PPM1H: variants seen among roughly 807,000 people sequenced by gnomAD.
PPM1H encodes protein phosphatase, Mg2+/Mn2+ dependent 1H, also known as protein phosphatase 1H.
PPM1H carries 27 observed loss-of-function variants against 54.9 expected under a neutral mutation model. That is an observed-to-expected ratio of 0.49 (90% CI 0.36 to 0.68). The LOEUF is 0.68. Ranked by LOEUF, PPM1H falls within the 30% of genes least tolerant of loss-of-function variation. PPM1H has a pLI of 0.00. For missense variants in PPM1H, 596 were observed against 667.8 expected (o/e 0.89, Z 1.19); for synonymous variants, 305 against 270.8 (o/e 1.13, Z -1.24).
intron 4 of PPM1H, among the ~76,000 whole-genome samples, chr12:62,776,728 G>A (rs2076613701): frequency 6.6e-6 from 1 of 152,106 alleles, no homozygotes; most frequent in Non-Finnish European, 1.5e-5. Context: ...CCACAACCCT[G>A]GCTCACTTCC....
intron 9 of PPM1H, among the ~76,000 whole-genome samples, chr12:62,665,503 A>C (rs972769360): frequency 6.6e-6 from 1 of 152,144 alleles, no homozygotes; most frequent in South Asian, 2.1e-4. Flanking sequence ...CCATCTTTTT[A>C]GTCTCTTAAT....
intron 8 of PPM1H, among the ~76,000 whole-genome samples, chr12:62,668,059 C>A (rs2075930189): frequency 6.6e-6 from 1 of 152,190 alleles, no homozygotes; most frequent in South Asian, 2.1e-4. Context: ...AGACTTAAGT[C>A]TTTCCTCATG....
chr12:62,677,832 G>A (rs1333395637), intron 8 of PPM1H, among the ~76,000 whole-genome samples: 1 of 152,250 alleles, frequency 6.6e-6, no homozygotes, highest in Non-Finnish European at 1.5e-5. Context: ...TTCTCAAACA[G>A]TGGTCTTTGG....
At chr12:62,708,766 T>G (rs1048344467) in intron 6 of PPM1H, among the ~76,000 whole-genome samples, 21 of 152,234 alleles carry the variant, frequency 1.4e-4, no homozygotes, top group African/African-American at 5.1e-4. Context: ...TGGGCAGCTT[T>G]GTTACACTGG....
At chr12:62,730,777 C>T (rs192006654) in intron 5 of PPM1H, among the ~76,000 whole-genome samples, 290 of 152,164 alleles carry the variant, frequency 1.9e-3, no homozygotes, top group African/African-American at 6.8e-3. Context: ...GATAGAAAGT[C>T]TAAGGTCAAG....
intron 1 of PPM1H, among the ~76,000 whole-genome samples, chr12:62,912,803 C>G (rs1008512489): frequency 6.6e-6 from 1 of 152,180 alleles, no homozygotes; most frequent in Admixed American, 6.5e-5. Context: ...TGACGTAGCT[C>G]TAGAAACTAA....
intron 3 of PPM1H, among the ~76,000 whole-genome samples, chr12:62,795,805 C>T (rs560792548): frequency 5.9e-5 from 9 of 151,946 alleles, no homozygotes; most frequent in Non-Finnish European, 1.0e-4. Context: ...CGGCTCACTG[C>T]GACCTCTGCC....
At chr12:62,874,959 A>T (rs1034685780) in intron 1 of PPM1H, among the ~76,000 whole-genome samples, 1 of 152,202 alleles carries the variant, frequency 6.6e-6, no homozygotes, top group African/African-American at 2.4e-5. Flanking sequence ...AGAGTCGCAA[A>T]ACTCACCACC....
chr12:62,884,207 A>G (rs744475), intron 1 of PPM1H, among the ~76,000 whole-genome samples: 5,875 of 152,120 alleles, frequency 0.039, 316 homozygotes, highest in African/African-American at 0.12. Context: ...TGAAGTATAG[A>G]CTGGGCACGG....
rs556132236 is a variant in PPM1H at position 62,789,654 on chromosome 12, C to T, written c.757-1316G>A. On this transcript the variant is annotated intron_variant, in intron 3 of 9. Coordinates refer to ENST00000228705, the MANE Select transcript of PPM1H (RefSeq NM_020700.2). The stretch of plus-strand genomic sequence containing the variant: ...GCACTTTATACTCAAACTCTCATAT[C>T]GTCCTCAAGACCATCACTATGAACC... 6.4e-4 allele frequency among the ~76,000 whole-genome samples: 97 copies of T among 152,290 alleles called. 1 individual carries two copies. The highest frequency in any genetic ancestry group is 1.2e-3 in the Non-Finnish European group (80 of 68,030).
chr12:62,799,978 T>A (rs1423982434), intron 3 of PPM1H, among the ~76,000 whole-genome samples: 1 of 152,120 alleles, frequency 6.6e-6, no homozygotes, highest in Non-Finnish European at 1.5e-5. Flanking sequence ...GTAGCTGGAA[T>A]GACAGGCATG....
chr12:62,883,042 C>A lies in PPM1H; in HGVS notation c.246-50763G>T, dbSNP rs1017392679. Among the ~76,000 whole-genome samples, 9 of 152,276 alleles carry A rather than the reference C, an allele frequency of 5.9e-5. No individual in the cohort carries two copies. The East Asian group carries it at 1.7e-3, about 29-fold the overall frequency. On this transcript the variant is annotated intron_variant, in intron 1 of 9. Coordinates refer to ENST00000228705, the MANE Select transcript of PPM1H (RefSeq NM_020700.2). ...ATCACTGTAGTATATTTATTTATTT[C>A]TGTGAGTAACCTCCACTAAAATGTA...
intron 4 of PPM1H, among the ~76,000 whole-genome samples, chr12:62,753,852 G>C (rs2076455355): frequency 6.6e-6 from 1 of 152,178 alleles, no homozygotes; most frequent in Non-Finnish European, 1.5e-5. Context: ...ATTTCCACTA[G>C]TTCTGCCTTG....
At chr12:62,772,704 C>A (rs949031557) in intron 4 of PPM1H, among the ~76,000 whole-genome samples, 3 of 152,088 alleles carry the variant, frequency 2.0e-5, no homozygotes, top group Non-Finnish European at 4.4e-5. Flanking sequence ...AACCACTTTC[C>A]TTTGGGAAAG....
intron 4 of PPM1H, among the ~76,000 whole-genome samples, chr12:62,775,110 C>T (rs544561664): frequency 5.9e-5 from 9 of 152,230 alleles, no homozygotes; most frequent in East Asian, 5.8e-4. Context: ...TGAATGTCTG[C>T]GCTGGATTGA....
intron 9 of PPM1H, among the ~76,000 whole-genome samples, chr12:62,649,162 C>T (rs567098998): frequency 2.7e-5 from 4 of 150,922 alleles, no homozygotes; most frequent in Non-Finnish European, 4.4e-5. Flanking sequence ...AATAATACAA[C>T]CTGGCATAAG....
At chr12:62,749,723 G>A (rs2076430979) in intron 4 of PPM1H, among the ~76,000 whole-genome samples, 1 of 152,132 alleles carries the variant, frequency 6.6e-6, no homozygotes, top group African/African-American at 2.4e-5. Flanking sequence ...CATTTAACAA[G>A]ACCCCAACTA....
At chr12:62,877,997 A>C (rs1870240460) in intron 1 of PPM1H, among the ~76,000 whole-genome samples, 1 of 152,120 alleles carries the variant, frequency 6.6e-6, no homozygotes, top group Admixed American at 6.5e-5. Flanking sequence ...TCCAGGGTTC[A>C]CACCATTCTC....
chr12:62,822,135 AAAG>A (rs1285731720), intron 2 of PPM1H, among the ~76,000 whole-genome samples: 2 of 152,234 alleles, frequency 1.3e-5, no homozygotes, highest in Non-Finnish European at 1.5e-5. Context: ...ACTTTAAACC[AAAG>A]AAGATCAGAA....
Sources: gnomAD v4.1 joint callset for allele counts (sites outside exome capture counted in the v4.1 genomes callset) on GRCh38, gnomAD v4.1.1 for gene constraint, MANE v1.5 for transcripts, NCBI Gene and HGNC (gene_info 2026-07-23, HGNC 2026-07-21) for gene names.